Variants in TLN2 observed in about 807,000 individuals in gnomAD.
The protein encoded by TLN2 is talin-2.
A neutral mutation model predicts 294.7 loss-of-function variants in TLN2; 118 were observed. The observed-to-expected ratio is 0.40, with a 90% CI of 0.34 to 0.47. TLN2 has a LOEUF of 0.47. TLN2 is among the 20% of genes least tolerant of loss of function. TLN2 has a pLI of 0.84. For synonymous variants in TLN2, 1,431 were observed against 1,304.5 expected (o/e 1.10, Z -2.09); for missense variants, 3,083 against 3,282.2 (o/e 0.94, Z 1.48).
rs913034408 is a variant in TLN2, at chr15:62,796,068, C to G, written c.5884-59C>G. ...GAGAATTCATTATTTTCAGAATCTG[C>G]TTTTAGGTCCTGTTCTCTCCATTTC... On this transcript the variant is annotated intron_variant, in intron 46 of 58. Coordinates refer to ENST00000636159, the MANE Select transcript of TLN2 (RefSeq NM_015059.3). The G allele has an allele frequency of 4.4e-6, 7 of 1,575,054 alleles. No homozygotes were observed. The African/African-American group carries it at 9.6e-5, about 21-fold the overall frequency.
intron 9 of TLN2, among the ~76,000 whole-genome samples, chr15:62,665,784 C>T (rs2054556936): frequency 6.6e-6 from 1 of 152,194 alleles, no homozygotes; most frequent in African/African-American, 2.4e-5. Flanking sequence ...GGCCTCTGTT[C>T]AAACACATAT....
intron 2 of TLN2, among the ~76,000 whole-genome samples, chr15:62,605,065 T>C (rs973186169): frequency 5.9e-5 from 9 of 152,300 alleles, no homozygotes; most frequent in Non-Finnish European, 1.2e-4. Context: ...GTGATGTAAA[T>C]GAAAAGTGCA....
chr15:62,511,520 C>G (rs1476367510), intron 1 of TLN2, among the ~76,000 whole-genome samples: 1 of 152,152 alleles, frequency 6.6e-6, no homozygotes, highest in African/African-American at 2.4e-5. Flanking sequence ...GGAGGGTTGA[C>G]TTGCCTGGAA....
rs559778981 is a variant in TLN2 at position 62,784,113 on chromosome 15, T to C, written c.5736+223T>C. 180 of 672,504 alleles carry C rather than the reference T, an allele frequency of 2.7e-4. No homozygotes were observed. The African/African-American group carries it at 3.0e-3, about 11-fold the overall frequency. The allele number at this position is 672,504 out of a possible 1,614,324, so 41.7% of individuals were successfully genotyped here. The stretch of plus-strand genomic sequence containing the variant: ...GGCAGACTGGCCAAGAACTGGGGCA[T>C]GGGCTTTCAGACAGAAGGACTTTGT... On this transcript the variant is annotated intron_variant, in intron 45 of 58. Transcript: ENST00000636159.
intron 21 of TLN2, among the ~76,000 whole-genome samples, chr15:62,711,374 C>G (rs2059420950): frequency 6.6e-6 from 1 of 152,162 alleles, no homozygotes. Context: ...CAGGCCAAGG[C>G]AAGTCATAGC....
chr15:62,439,182 T>C (rs968608554), intron 1 of TLN2, among the ~76,000 whole-genome samples: 1 of 152,232 alleles, frequency 6.6e-6, no homozygotes, highest in Non-Finnish European at 1.5e-5. Context: ...TATGACACTT[T>C]ACTATGTACC....
At chr15:62,631,528 T>C (rs2049849304) in intron 3 of TLN2, among the ~76,000 whole-genome samples, 2 of 67,852 alleles carry the variant, frequency 2.9e-5, no homozygotes, top group African/African-American at 1.2e-4. Flanking sequence ...CTTCCTTTCC[T>C]TTCCTTTCCT....
At chr15:62,666,051 G>A (rs7183799) in intron 9 of TLN2, among the ~76,000 whole-genome samples, 134,827 of 152,106 alleles carry the variant, frequency 0.89, 61,799 homozygotes, top group Non-Finnish European at 1. Flanking sequence ...GTTGATGCCT[G>A]TCTCCCTAAC....
chr15:62,801,549 C>A (rs945696633), intron 50 of TLN2, among the ~76,000 whole-genome samples: 5 of 152,176 alleles, frequency 3.3e-5, no homozygotes, highest in Non-Finnish European at 7.3e-5. Context: ...GGGTCACCTG[C>A]AAAAGCGACC....
At chr15:62,401,958 T>A (rs972776518) in intron 1 of TLN2, among the ~76,000 whole-genome samples, 1 of 152,144 alleles carries the variant, frequency 6.6e-6, no homozygotes, top group African/African-American at 2.4e-5. Context: ...CTAGTGAGGC[T>A]ACTGAACACC....
intron 2 of TLN2, 122 bp from the exon 3 acceptor site, chr15:62,618,229 A>T (rs1201876129): frequency 6.6e-6 from 1 of 152,206 alleles, no homozygotes. Flanking sequence ...ATTTTCTCCT[A>T]TTCTTTCATC....
In TLN2 at chr15:62,623,155, C is replaced by T. The variant is rs180831996; in HGVS notation, c.-37+4680C>T. 9.8e-4 allele frequency among the ~76,000 whole-genome samples: 149 copies of T among 152,240 alleles called. 2 individuals are homozygous for T. Among genetic ancestry groups the T allele is most frequent in the Middle Eastern group, 3.4e-3 (1 of 294 alleles). On this transcript the variant is annotated intron_variant, in intron 3 of 58. Coordinates refer to ENST00000636159, the MANE Select transcript of TLN2 (RefSeq NM_015059.3). ...TAAGTCCTGTGCTGGTTAATCTGTGCGGGAGTGGAAAAGAATGAAACATTA... is the reference window on the plus strand; with the variant it reads ...TAAGTCCTGTGCTGGTTAATCTGTGTGGGAGTGGAAAAGAATGAAACATTA...
At chr15:62,800,025 G>T (rs1386657658) in intron 48 of TLN2, among the ~76,000 whole-genome samples, 1 of 152,224 alleles carries the variant, frequency 6.6e-6, no homozygotes, top group Non-Finnish European at 1.5e-5. Flanking sequence ...TGTTCAGGGT[G>T]CCAGTTAGGA....
chr15:62,494,825 C>T (rs1291708953), intron 1 of TLN2, among the ~76,000 whole-genome samples: 7 of 152,172 alleles, frequency 4.6e-5, no homozygotes, highest in Non-Finnish European at 8.8e-5. Context: ...GGATTCTAAG[C>T]AGCCCCCTTG....
chr15:62,529,367 G>A (rs2040914458), intron 1 of TLN2, among the ~76,000 whole-genome samples: 1 of 152,068 alleles, frequency 6.6e-6, no homozygotes, highest in Admixed American at 6.6e-5. Context: ...GGTATTACAC[G>A]TGTGAGCCAC....
At chr15:62,755,464 T>C in intron 36 of TLN2, 68 bp from the exon 37 acceptor site, 5 of 1,537,876 alleles carry the variant, frequency 3.3e-6, no homozygotes, top group Non-Finnish European at 4.4e-6. Flanking sequence ...AACCCAGGGC[T>C]GAGGACCGGG....
rs1280703772 is a variant in TLN2, at chr15:62,805,716, A to C, written c.6594A>C (p.Arg2198Ser). 6.2e-7 allele frequency: 1 copy of C among 1,614,186 alleles called. No individual in the cohort carries two copies. Among genetic ancestry groups the C allele is most frequent in the Non-Finnish European group, 8.5e-7 (1 of 1,180,030 alleles). ...AKAVAAGNSC[R>S]QEDVIATANL... Reference sequence around the variant, plus strand: ...CCGTGGCAGCTGGGAACTCATGTAGACAGGAGGACGTGATTGCTACTGCCA... The same window carrying C: ...CCGTGGCAGCTGGGAACTCATGTAGCCAGGAGGACGTGATTGCTACTGCCA... Residue 2198 changes from arginine to serine, a missense_variant, in exon 51 of 59, where the codon AGA becomes AGC. Coordinates refer to ENST00000636159, the MANE Select transcript of TLN2 (RefSeq NM_015059.3).
At chr15:62,786,792 T>C (rs1000635057) in intron 45 of TLN2, among the ~76,000 whole-genome samples, 13 of 152,350 alleles carry the variant, frequency 8.5e-5, no homozygotes, top group Non-Finnish European at 1.5e-4. Flanking sequence ...CCCAGTGCCA[T>C]TGGAACCACT....
chr15:62,444,225 G>C (rs1566975932), intron 1 of TLN2, among the ~76,000 whole-genome samples: 1 of 152,256 alleles, frequency 6.6e-6, no homozygotes, highest in African/African-American at 2.4e-5. Context: ...ATGCTGCTTA[G>C]AGGGCAGGAC....
Sources: allele counts gnomAD v4.1 joint callset (sites outside exome capture counted in the v4.1 genomes callset), GRCh38; gene constraint gnomAD v4.1.1; transcripts MANE v1.5; gene names NCBI Gene and HGNC (gene_info 2026-07-23, HGNC 2026-07-21).